Variants in RNF220 observed in about 807,000 individuals in gnomAD.
RNF220 encodes the protein E3 ubiquitin-protein ligase RNF220.
A neutral mutation model predicts 67.1 loss-of-function variants in RNF220; 7 were observed. The observed-to-expected ratio is 0.10, with a 90% CI of 0.06 to 0.20. The LOEUF is 0.20. RNF220 is among the 10% of genes least tolerant of loss of function. The pLI is 1.00. For synonymous variants in RNF220, 270 were observed against 283.2 expected, an observed-to-expected ratio of 0.95 and a Z score of 0.47; for missense variants, 565 against 740.3, an observed-to-expected ratio of 0.76 and a Z score of 2.75.
At chr1:44,515,502 T>G (rs746263857) in intron 2 of RNF220, among the ~76,000 whole-genome samples, 2 of 152,230 alleles carry the variant, frequency 1.3e-5, no homozygotes, top group Admixed American at 6.5e-5. Context: ...AAAGAAAAAC[T>G]GAGGCATTTG....
At chr1:44,477,074 A>G (rs1051597225) in intron 2 of RNF220, among the ~76,000 whole-genome samples, 1 of 152,224 alleles carries the variant, frequency 6.6e-6, no homozygotes, top group Non-Finnish European at 1.5e-5. Context: ...AATAAGAGGA[A>G]TGGAAAGAAA....
chr1:44,601,707 C>T (rs932601111), intron 2 of RNF220, among the ~76,000 whole-genome samples: 2 of 151,664 alleles, frequency 1.3e-5, no homozygotes, highest in Admixed American at 6.6e-5. Flanking sequence ...CAGGAGATGG[C>T]GAGGCGGCTC....
chr1:44,650,801 C>T lies in RNF220; in HGVS notation c.*26C>T, dbSNP rs754321950. 1.2e-6 allele frequency: 2 copies of T among 1,607,440 alleles called. No individual in the cohort carries two copies. Among genetic ancestry groups the T allele is most frequent in the East Asian group, 2.2e-5 (1 of 44,876 alleles). ...GCTATCTGCCCCAGGCAGGCCTCGC[C>T]TCCAGCAGCCCCACCTGCCCCCAGC... On this transcript the variant is annotated 3_prime_UTR_variant, in exon 15 of 15. Coordinates refer to ENST00000361799, the MANE Select transcript of RNF220 (RefSeq NM_018150.4). The surrounding 1 kb of genome is among the most constrained non-coding windows in gnomAD (Gnocchi z 4.3).
rs1390363593 is a variant in RNF220 at position 44,650,015 on chromosome 1, T to C, written c.1629+58T>C. 1 of 1,552,598 alleles carries C rather than the reference T, an allele frequency of 6.4e-7. No individual in the cohort carries two copies. Among genetic ancestry groups the C allele is most frequent in the South Asian group, 1.1e-5 (1 of 88,796 alleles). The stretch of plus-strand genomic sequence containing the variant: ...CCGCTCCGGGCACTGCCCAGATGTC[T>C]GTGCTTATGCCTGAGCCTGCCTGGG... On this transcript the variant is annotated intron_variant, in intron 14 of 14. Coordinates refer to ENST00000361799, the MANE Select transcript of RNF220 (RefSeq NM_018150.4). The surrounding 1 kb of genome is among the most constrained non-coding windows in gnomAD (Gnocchi z 4.3).
chr1:44,433,110 T>G (rs1650582426), intron 2 of RNF220, among the ~76,000 whole-genome samples: 1 of 151,958 alleles, frequency 6.6e-6, no homozygotes, highest in Admixed American at 6.6e-5. Context: ...TTGTATTTTT[T>G]GTAGAGATGG....
intron 2 of RNF220, among the ~76,000 whole-genome samples, chr1:44,583,977 A>C (rs1379663356): frequency 2.6e-5 from 4 of 152,250 alleles, no homozygotes; most frequent in Non-Finnish European, 4.4e-5. Context: ...TACTATATAC[A>C]AATCCAATGC....
chr1:44,513,279 G>T (rs1185284780), intron 2 of RNF220, among the ~76,000 whole-genome samples: 1 of 152,214 alleles, frequency 6.6e-6, no homozygotes, highest in Admixed American at 6.5e-5. Context: ...GAAGCAAGTG[G>T]CAAGGCCCAG....
At chr1:44,588,611 A>G (rs1286766396) in intron 2 of RNF220, among the ~76,000 whole-genome samples, 1 of 141,022 alleles carries the variant, frequency 7.1e-6, no homozygotes, top group Non-Finnish European at 1.6e-5. Flanking sequence ...AAATAGATAT[A>G]ATTAACATTT....
chr1:44,447,891 C>T (rs994309367), intron 2 of RNF220, among the ~76,000 whole-genome samples: 4 of 152,200 alleles, frequency 2.6e-5, no homozygotes, highest in Admixed American at 6.5e-5. Context: ...AAGTCCCTGC[C>T]TTCTGGGCTT....
chr1:44,530,911 C>T (rs1406822034), intron 2 of RNF220, among the ~76,000 whole-genome samples: 1 of 151,858 alleles, frequency 6.6e-6, no homozygotes, highest in Non-Finnish European at 1.5e-5. Context: ...TGCAGTGAGC[C>T]GAGATTGCGC....
chr1:44,544,362 C>T (rs1268390621), intron 2 of RNF220, among the ~76,000 whole-genome samples: 2 of 152,174 alleles, frequency 1.3e-5, no homozygotes, highest in Admixed American at 6.5e-5. Flanking sequence ...TTGTTCTTGG[C>T]CCTGTGATCT....
chr1:44,545,015 A>G (rs1457278951), intron 2 of RNF220, among the ~76,000 whole-genome samples: 1 of 152,266 alleles, frequency 6.6e-6, no homozygotes, highest in Non-Finnish European at 1.5e-5. Context: ...AGACCCTGGG[A>G]ATAGAGCCAC....
intron 1 of RNF220, among the ~76,000 whole-genome samples, chr1:44,409,887 GAAAAGAAAA>G (rs139519081): frequency 0.067 from 10,085 of 151,120 alleles, 346 homozygotes; most frequent in Middle Eastern, 0.12. Flanking sequence ...AAAGAAAAGG[GAAAAGAAAA>G]AAAAGAAAAA....
At chr1:44,527,654 G>A (rs760674870) in intron 2 of RNF220, among the ~76,000 whole-genome samples, 9 of 151,770 alleles carry the variant, frequency 5.9e-5, no homozygotes, top group Non-Finnish European at 1.2e-4. Context: ...GGCTGGGTGC[G>A]GTGGCTCACA....
intron 1 of RNF220, among the ~76,000 whole-genome samples, chr1:44,408,478 A>G (rs1647625660): frequency 1.3e-5 from 2 of 152,094 alleles, no homozygotes; most frequent in Non-Finnish European, 2.9e-5. Flanking sequence ...GTGTGCGGGA[A>G]TTCTCTTCAA....
chr1:44,426,895 T>G (rs1388951028), intron 2 of RNF220, among the ~76,000 whole-genome samples: 2 of 152,158 alleles, frequency 1.3e-5, no homozygotes, highest in Non-Finnish European at 2.9e-5. Flanking sequence ...CTCCTCCCAT[T>G]TAGTCCCAGA....
chr1:44,409,130 C>G (rs1647709637), intron 1 of RNF220, among the ~76,000 whole-genome samples: 1 of 150,028 alleles, frequency 6.7e-6, no homozygotes, highest in South Asian at 2.1e-4. Context: ...AGTAATCTCA[C>G]TAATTATTCA....
At chr1:44,439,123 A>C (rs1230073043) in intron 2 of RNF220, among the ~76,000 whole-genome samples, 1 of 152,246 alleles carries the variant, frequency 6.6e-6, no homozygotes, top group African/African-American at 2.4e-5. Context: ...TATATTCTCG[A>C]AAGTAGAAAT....
At chr1:44,526,194 G>T (rs865930023) in intron 2 of RNF220, among the ~76,000 whole-genome samples, 2 of 152,096 alleles carry the variant, frequency 1.3e-5, no homozygotes, top group African/African-American at 2.4e-5. Flanking sequence ...GGAGAAAAGC[G>T]CATAACCATT....
Sources: gnomAD v4.1 joint callset for allele counts (sites outside exome capture counted in the v4.1 genomes callset) on GRCh38, gnomAD v4.1.1 for gene constraint, Gnocchi (gnomAD v3.1) non-coding constraint, MANE v1.5 for transcripts, NCBI Gene and HGNC (gene_info 2026-07-23, HGNC 2026-07-21) for gene names.